GPR161: variants seen among roughly 807,000 people sequenced by gnomAD.
The protein encoded by GPR161 is G protein-coupled receptor 161.
A neutral mutation model predicts 39.2 loss-of-function variants in GPR161; 25 were observed. The observed-to-expected ratio is 0.64, with a 90% confidence interval of 0.47 to 0.89. The LOEUF is 0.89. GPR161 is among the 40% of genes least tolerant of loss of function. The pLI is 0.00. For synonymous variants in GPR161, 286 were observed against 276.6 expected, an observed-to-expected ratio of 1.03 and a Z score of -0.34; for missense variants, 547 against 677.8, an observed-to-expected ratio of 0.81 and a Z score of 2.14.
In GPR161 at chr1:168,087,799, C is replaced by T. The variant is rs1043133482; in HGVS notation, c.1205-95G>A. 20 of 1,280,794 alleles carry T rather than the reference C, an allele frequency of 1.6e-5. No homozygotes were observed. The Admixed American group carries it at 3.0e-4, about 19-fold the overall frequency. 79.3% of individuals were successfully genotyped at this position (1,280,794 alleles called of 1,614,324 possible). On this transcript the variant is annotated intron_variant, in intron 4 of 5. Coordinates refer to ENST00000682931, the MANE Select transcript of GPR161 (RefSeq NM_001375883.1). ...AACACCCCTTCCACCCCTCTTCTCC[C>T]GTTCATCCAAACCCATCATCAAGTG...
At chr1:168,096,434 A>G in intron 3 of GPR161, 74 bp downstream of exon 3, 1 of 1,471,062 alleles carries the variant, frequency 6.8e-7, no homozygotes, top group Non-Finnish European at 9.3e-7. Context: ...TCACCCACAA[A>G]CAGGCCAGAG....
chr1:168,137,248 T>C (rs1699461565), upstream of GPR161: 1 of 1,486,010 alleles, frequency 6.7e-7, no homozygotes, highest in African/African-American at 1.4e-5. Flanking sequence ...TCCGCCCCAG[T>C]TCCAGCCGCT....
At chr1:168,122,733 CTCACCTTT>C (rs377109651) in intron 1 of GPR161, among the ~76,000 whole-genome samples, 82 of 152,328 alleles carry the variant, frequency 5.4e-4, no homozygotes, top group African/African-American at 1.9e-3. Context: ...TTTCCCTTAA[CTCACCTTT>C]TCAGCAGAGC....
chr1:168,090,502 C>T (rs747349145), intron 4 of GPR161, 62 bp downstream of exon 4: 70 of 955,408 alleles, frequency 7.3e-5, no homozygotes, highest in South Asian at 2.7e-4. Flanking sequence ...AAACGCGACA[C>T]GGGGGAAACG....
At chr1:168,137,544 C>T (rs934607543), upstream of GPR161, 13 of 704,186 alleles carry the variant, frequency 1.8e-5, no homozygotes, top group African/African-American at 1.8e-4. Flanking sequence ...GCCCTGCACT[C>T]CCTCGGAACC....
Position 168,119,257 on chromosome 1 carries a change from C to CATATATAT in GPR161, c.-44-14364_-44-14363insATATATAT, listed in dbSNP as rs1265638486. Among the ~76,000 whole-genome samples, 157 of 97,738 alleles carry CATATATAT rather than the reference C, an allele frequency of 1.6e-3. 6 individuals are homozygous for CATATATAT. Among genetic ancestry groups the CATATATAT allele is most frequent in the African/African-American group, 6.5e-3 (117 of 17,998 alleles). 64.1% of individuals were successfully genotyped at this position (97,738 alleles called of 152,430 possible). A position where few individuals can be genotyped will look rare whatever the true frequency, so the allele number is the denominator to read the frequency against. On this transcript the variant is annotated intron_variant, in intron 1 of 5. Transcript: ENST00000682931. ...ATATATATATACACATATATATATA[C>CATATATAT]GTATATATATGTGTATATATATATA...
chr1:168,096,437 G>A, intron 3 of GPR161, 71 bp downstream of exon 3: 2 of 1,492,020 alleles, frequency 1.3e-6, no homozygotes, highest in Non-Finnish European at 1.8e-6. Context: ...CCCACAAACA[G>A]GCCAGAGTGG....
rs1286591350 is a variant in GPR161 at position 168,136,884 on chromosome 1, C to G, written c.-190G>C. 3 of 982,048 alleles carry G rather than the reference C, an allele frequency of 3.1e-6. No individual in the cohort carries two copies. Among genetic ancestry groups the G allele is most frequent in the South Asian group, 4.7e-5 (1 of 21,284 alleles). 60.8% of individuals were successfully genotyped at this position (982,048 alleles called of 1,614,324 possible). ...CCACCGAGCCCCGCTTCGCTCCTCCCGCGGGCCAGCCACCAGCACGCGGAC... is the reference window on the plus strand; with the variant it reads ...CCACCGAGCCCCGCTTCGCTCCTCCGGCGGGCCAGCCACCAGCACGCGGAC... On this transcript the variant is annotated 5_prime_UTR_variant, in exon 1 of 6. Transcript: ENST00000682931.
chr1:168,127,908 G>A (rs75786448), intron 1 of GPR161, among the ~76,000 whole-genome samples: 4,625 of 152,260 alleles, frequency 0.03, 94 homozygotes, highest in East Asian at 0.068. Context: ...CATTGCAAGA[G>A]AATGCAAAGT....
chr1:168,136,442 C>T (rs559312333), intron 1 of GPR161: 17 of 1,328,744 alleles, frequency 1.3e-5, no homozygotes, highest in Admixed American at 1.1e-4. Flanking sequence ...AGAAACGGGG[C>T]GGGCTGCACC....
chr1:168,136,582 C>G (rs1159045229), intron 1 of GPR161, 157 bp downstream of exon 1: 3 of 1,235,372 alleles, frequency 2.4e-6, no homozygotes, highest in Non-Finnish European at 3.0e-6. Flanking sequence ...CCCTGACCTC[C>G]GAGAGGGGCG....
chr1:168,086,890 C>G (rs898444903), intron 5 of GPR161, among the ~76,000 whole-genome samples: 6 of 152,180 alleles, frequency 3.9e-5, no homozygotes, highest in Non-Finnish European at 8.8e-5. Context: ...AAAACTCTGA[C>G]AGAGGCCATA....
chr1:168,096,493 C>T lies in GPR161; in HGVS notation c.1099+15G>A, dbSNP rs1308359826. The T allele has an allele frequency of 1.9e-6, 3 of 1,607,818 alleles. No homozygotes were observed. Among genetic ancestry groups the T allele is most frequent in the Middle Eastern group, 1.7e-4 (1 of 6,050 alleles). On this transcript the variant is annotated intron_variant, in intron 3 of 5. Transcript: ENST00000682931. Reference sequence around the variant, plus strand: ...ATCTGCCTCGGAGGGGCTATCCTAACAATGCCCAAGTTACCTGTGATCCTG... The same window carrying T: ...ATCTGCCTCGGAGGGGCTATCCTAATAATGCCCAAGTTACCTGTGATCCTG...
chr1:168,079,653 A>T lies in GPR161; in HGVS notation c.*5878T>A, dbSNP rs546516094. Reference sequence around the variant, plus strand: ...CTAAACTTTTTTTTAACCTTAAAAAAATCATCCAAAGACTTCAAGTTAAAT... The same window carrying T: ...CTAAACTTTTTTTTAACCTTAAAAATATCATCCAAAGACTTCAAGTTAAAT... On this transcript the variant is annotated 3_prime_UTR_variant, in exon 6 of 6. Coordinates refer to ENST00000682931, the MANE Select transcript of GPR161 (RefSeq NM_001375883.1). The T allele has an allele frequency of 1.2e-4, 19 of 152,362 alleles. No individual in the cohort carries two copies. Among genetic ancestry groups the T allele is most frequent in the Non-Finnish European group, 4.4e-5 (3 of 68,038 alleles). 9.4% of individuals were successfully genotyped at this position (152,362 alleles called of 1,614,324 possible).
upstream of GPR161, chr1:168,136,990 C>T: frequency 1.1e-6 from 1 of 920,066 alleles, no homozygotes. Context: ...CCCCTCCGGC[C>T]CCCGGAGCCC....
chr1:168,123,364 A>G (rs1254738297), intron 1 of GPR161, among the ~76,000 whole-genome samples: 1 of 152,150 alleles, frequency 6.6e-6, no homozygotes, highest in Admixed American at 6.5e-5. Context: ...AGGTTGAGGG[A>G]AGAGGATGGC....
At chr1:168,093,832 C>T (rs942488226) in intron 3 of GPR161, among the ~76,000 whole-genome samples, 6 of 152,236 alleles carry the variant, frequency 3.9e-5, no homozygotes, top group African/African-American at 7.2e-5. Context: ...GCAGGGTGAG[C>T]GGCTGGGCTG....
At chr1:168,097,309 T>C in intron 2 of GPR161, 77 bp from the exon 3 acceptor site, 1 of 1,458,754 alleles carries the variant, frequency 6.9e-7, no homozygotes, top group South Asian at 1.3e-5. Context: ...CGTCAGGGGC[T>C]CCCATGACTG....
At chr1:168,089,508 TG>T (rs144207699) in intron 4 of GPR161, 4,905 of 152,382 alleles carry the variant, frequency 0.032, 117 homozygotes, top group Non-Finnish European at 0.055. Flanking sequence ...GGAGCACTCA[TG>T]GGGAACAGGA....
Sources: gnomAD v4.1 joint callset for allele counts (sites outside exome capture counted in the v4.1 genomes callset) on GRCh38, gnomAD v4.1.1 for gene constraint, MANE v1.5 for transcripts, NCBI Gene and HGNC (gene_info 2026-07-23, HGNC 2026-07-21) for gene names.